The following RPP30 variants were observed in gnomAD, a reference collection of about 807,000 sequenced individuals.
RPP30 encodes ribonuclease P protein subunit p30.
Under a neutral mutation model 38.6 loss-of-function variants are expected in RPP30, and 36 were observed. That is an observed-to-expected ratio of 0.93 (90% confidence interval 0.71 to 1.23). RPP30 has a LOEUF of 1.23. Among genes scored for constraint, RPP30 ranks in the 50% most tolerant of loss-of-function variants. The pLI is 0.00. For synonymous variants in RPP30, 126 were observed against 112.7 expected (o/e 1.12, Z -0.75); for missense variants, 321 against 321.7 (o/e 1.00, Z 0.02).
chr10:90,894,081 C>A (rs553242147), intron 6 of RPP30, among the ~76,000 whole-genome samples: 1 of 152,276 alleles, frequency 6.6e-6, no homozygotes, highest in South Asian at 2.1e-4. Context: ...GCACTTCCAT[C>A]TTTTTTGCTG....
chr10:90,887,180 C>T (rs1358970395), intron 6 of RPP30, among the ~76,000 whole-genome samples: 1 of 151,872 alleles, frequency 6.6e-6, no homozygotes, highest in Non-Finnish European at 1.5e-5. Flanking sequence ...GTTTCCCAGG[C>T]TGGTCTCAAA....
Position 90,900,606 on chromosome 10 carries a change from T to C in RPP30, c.734T>C (p.Val245Ala). The change falls in exon 11 of 11, where the codon GTG becomes GCG. Residue 245 changes from valine to alanine, a missense_variant. By Grantham distance (64) the Val-to-Ala change is moderately conservative. Transcript: ENST00000371703. ...RKTAFGIIST[V>A]KKPRPSEGDE... is the part of the protein sequence containing the mutation. ...ACTGCTTTTGGAATTATCTCTACAG[T>C]GAAGAAACCTCGGCCATCAGAAGGA... The C allele has an allele frequency of 1.2e-6, 2 of 1,613,674 alleles. No homozygotes were observed. The highest frequency in any genetic ancestry group is 1.1e-5 in the South Asian group (1 of 90,904).
At position 90,898,435 on chromosome 10, in the gene RPP30, G is replaced by A. The variant is rs899652626; in HGVS notation, c.697+2043G>A. ...GGTAGTATGATGTGTTCTTAAGATT[G>A]CTAATTCAGCCTAGGTAATATTAGA... is the stretch of plus-strand genomic sequence containing the variant. On this transcript the variant is annotated intron_variant, in intron 10 of 10. Coordinates refer to ENST00000371703, the MANE Select transcript of RPP30 (RefSeq NM_006413.5). 4.6e-5 allele frequency among the ~76,000 whole-genome samples: 7 copies of A among 152,232 alleles called. No homozygotes were observed. The East Asian group carries it at 1.3e-3, about 29-fold the overall frequency.
chr10:90,889,304 CTTTTTTTTTTTT>C (rs59640704), intron 6 of RPP30, among the ~76,000 whole-genome samples: 1 of 106,536 alleles, frequency 9.4e-6, no homozygotes, highest in Non-Finnish European at 1.8e-5. Flanking sequence ...ATAAGGATTA[CTTTTTTTTTTTT>C]TTTTTTTTTT....
rs534604629 is a variant in RPP30 at position 90,901,806 on chromosome 10, G to A, written c.*1127G>A. On this transcript the variant is annotated 3_prime_UTR_variant, in exon 11 of 11. Coordinates refer to ENST00000371703, the MANE Select transcript of RPP30 (RefSeq NM_006413.5). ...CAAGAGAAAGACAACTGTTCTGCGG[G>A]TTGGAGAAAATACAATTTTTTTTTT... 143 of 976,024 alleles carry A rather than the reference G, an allele frequency of 1.5e-4. No individual in the cohort carries two copies. In the African/African-American group the frequency reaches 2.5e-3, roughly 17 times the overall value. The allele number at this position is 976,024 out of a possible 1,614,324, so 60.5% of individuals were successfully genotyped here. A position where few individuals can be genotyped will look rare whatever the true frequency, so the allele number is the denominator to read the frequency against.
In RPP30 at chr10:90,901,038, A is replaced by G. The variant is rs1450170650; in HGVS notation, c.*359A>G. On this transcript the variant is annotated 3_prime_UTR_variant, in exon 11 of 11. Coordinates refer to ENST00000371703, the MANE Select transcript of RPP30 (RefSeq NM_006413.5). The stretch of plus-strand genomic sequence containing the variant: ...GTTGCTCAGGCTGGAGTACAGTGGC[A>G]TAATCACAGCTCACTGCAACCTCAA... The G allele has an allele frequency of 2.9e-6, 2 of 688,776 alleles. No homozygotes were observed. The highest frequency in any genetic ancestry group is 2.0e-5 in the African/African-American group (1 of 50,608). 42.7% of individuals were successfully genotyped at this position (688,776 alleles called of 1,614,324 possible). A position where few individuals can be genotyped will look rare whatever the true frequency, so the allele number is the denominator to read the frequency against.
chr10:90,893,185 G>A (rs904638068), intron 6 of RPP30, among the ~76,000 whole-genome samples: 9 of 152,288 alleles, frequency 5.9e-5, no homozygotes, highest in Non-Finnish European at 1.2e-4. Context: ...CCTTGAAGCC[G>A]GAGGAAGAAT....
At chr10:90,872,398 AC>A in intron 1 of RPP30, among the ~76,000 whole-genome samples, 1 of 152,332 alleles carries the variant, frequency 6.6e-6, no homozygotes, top group South Asian at 2.1e-4. Flanking sequence ...CTTCTAAGTT[AC>A]TATCAGCCCT....
At chr10:90,899,527 T>A (rs887259675) in intron 10 of RPP30, among the ~76,000 whole-genome samples, 2 of 152,126 alleles carry the variant, frequency 1.3e-5, no homozygotes, top group Admixed American at 1.3e-4. Flanking sequence ...AAGGACAGAG[T>A]TTGGGTCTGT....
At chr10:90,885,508 T>G (rs1432312999) in intron 5 of RPP30, among the ~76,000 whole-genome samples, 1 of 152,256 alleles carries the variant, frequency 6.6e-6, no homozygotes, top group African/African-American at 2.4e-5. Context: ...TTCCAGAAAC[T>G]GAGCCTCGCT....
In RPP30 at chr10:90,900,657, AG is replaced by A; in HGVS notation, c.786del (p.Ala264ProfsTer29). 6.2e-7 allele frequency: 1 copy of A among 1,613,716 alleles called. No homozygotes were observed. Among genetic ancestry groups the A allele is most frequent in the Non-Finnish European group, 8.5e-7 (1 of 1,179,782 alleles). On this transcript the variant is annotated frameshift_variant, in exon 11 of 11. Transcript: ENST00000371703. LOFTEE classifies it high-confidence loss of function. ...EGDEDCLPASKKAKCEG is the reference protein window; with the variant it reads ...EGDEDCLPASXKAKCEG ...GATGAAGATTGTCTTCCAGCTTCCA[AG>A]AAAGCCAAGTGTGAGGGCTGAAAAG...
At position 90,892,231 on chromosome 10, in the gene RPP30, T is replaced by A. The variant is rs182898273; in HGVS notation, c.433-2544T>A. Among the ~76,000 whole-genome samples, 3 of 152,292 alleles carry A rather than the reference T, an allele frequency of 2.0e-5. No homozygotes were observed. In the East Asian group the frequency reaches 5.8e-4, roughly 29 times the overall value. On this transcript the variant is annotated intron_variant, in intron 6 of 10. Coordinates refer to ENST00000371703, the MANE Select transcript of RPP30 (RefSeq NM_006413.5). ...GTTAGGAAGAGGCTGTTAGGAACAATCATTTGATGAGCTTTAGGCAATTTG... is the reference window on the plus strand; with the variant it reads ...GTTAGGAAGAGGCTGTTAGGAACAAACATTTGATGAGCTTTAGGCAATTTG...
chr10:90,896,926 C>A (rs1262346632), intron 10 of RPP30, among the ~76,000 whole-genome samples: 1 of 148,162 alleles, frequency 6.7e-6, no homozygotes, highest in African/African-American at 2.5e-5. Context: ...ATTTTTTTTT[C>A]TTTTTCTAAA....
intron 5 of RPP30, 110 bp downstream of exon 5, chr10:90,879,244 T>C: frequency 1.3e-6 from 1 of 792,532 alleles, no homozygotes; most frequent in Non-Finnish European, 2.0e-6. Flanking sequence ...TTTTAGGATT[T>C]GTTATTTATA....
At chr10:90,877,346 T>A (rs1846866214) in intron 4 of RPP30, among the ~76,000 whole-genome samples, 1 of 151,814 alleles carries the variant, frequency 6.6e-6, no homozygotes, top group South Asian at 2.1e-4. Flanking sequence ...GTGATCCCAA[T>A]TAAAGATGGT....
Position 90,875,978 on chromosome 10 carries a change from A to G in RPP30, c.196-46A>G, listed in dbSNP as rs151084915. ...TTTCCACTGGTAAAAAGGAAAATCA[A>G]TTATTGTCTTTTGTGCTTTTTTGAC... On this transcript the variant is annotated intron_variant, in intron 3 of 10. Transcript: ENST00000371703. The G allele has an allele frequency of 1.2e-4, 136 of 1,108,306 alleles. 2 individuals carry two copies. Among genetic ancestry groups the G allele is most frequent in the South Asian group, 7.6e-4 (60 of 79,012 alleles). The allele number at this position is 1,108,306 out of a possible 1,614,324, so 68.7% of individuals were successfully genotyped here.
chr10:90,900,982 T>C lies in RPP30; in HGVS notation c.*303T>C. ...TTGAATAAAATGTTTCAGGTATTTT[T>C]GTTTCATTTTGTTTTTGAGATAGGG... On this transcript the variant is annotated 3_prime_UTR_variant, in exon 11 of 11. Transcript: ENST00000371703. 9.6e-7 allele frequency: 1 copy of C among 1,037,670 alleles called. No homozygotes were observed. The highest frequency in any genetic ancestry group is 1.2e-6 in the Non-Finnish European group (1 of 859,706). The allele number at this position is 1,037,670 out of a possible 1,614,324, so 64.3% of individuals were successfully genotyped here.
chr10:90,906,276 G>C (rs1177638004), downstream of RPP30, among the ~76,000 whole-genome samples: 1 of 152,204 alleles, frequency 6.6e-6, no homozygotes, highest in Non-Finnish European at 1.5e-5. Flanking sequence ...GGAGGAATGA[G>C]AAGTGATGTG....
chr10:90,879,381 T>G (rs1846894744), intron 5 of RPP30, among the ~76,000 whole-genome samples: 1 of 152,208 alleles, frequency 6.6e-6, no homozygotes, highest in Admixed American at 6.5e-5. Context: ...TTTCTTCTGT[T>G]TCTTTATCTC....
Sources: gnomAD v4.1 joint callset for allele counts (sites outside exome capture counted in the v4.1 genomes callset) on GRCh38, gnomAD v4.1.1 for gene constraint, MANE v1.5 for transcripts, NCBI Gene and HGNC (gene_info 2026-07-23, HGNC 2026-07-21) for gene names.